The following POC5 variants were observed in gnomAD, a reference collection of about 807,000 sequenced individuals.
POC5 encodes centrosomal protein POC5.
In POC5, 48 loss-of-function variants were observed where a neutral mutation model predicts 62.9. The observed-to-expected ratio is 0.76, with a 90% confidence interval of 0.61 to 0.97. The LOEUF is 0.97. POC5 is among the 50% of genes least tolerant of loss of function. The pLI is 0.00. For synonymous variants in POC5, 236 were observed against 228.2 expected, an observed-to-expected ratio of 1.03 and a Z score of -0.31; for missense variants, 696 against 679.5, an observed-to-expected ratio of 1.02 and a Z score of -0.27.
intron 9 of POC5, among the ~76,000 whole-genome samples, chr5:75,686,084 A>AT (rs1225151641): frequency 6.6e-6 from 1 of 152,200 alleles, no homozygotes; most frequent in African/African-American, 2.4e-5. Flanking sequence ...TCATAAGAGC[A>AT]TATTTGTGCA....
intron 10 of POC5, among the ~76,000 whole-genome samples, chr5:75,683,690 C>G (rs1007831252): frequency 4.0e-5 from 6 of 149,638 alleles, no homozygotes; most frequent in African/African-American, 1.5e-4. Flanking sequence ...TGTGCTTCAT[C>G]TGAAACTCTA....
intron 10 of POC5, among the ~76,000 whole-genome samples, chr5:75,681,825 C>A (rs961222905): frequency 1.7e-4 from 26 of 152,000 alleles, no homozygotes; most frequent in African/African-American, 6.3e-4. Context: ...AGAAAGATAA[C>A]CAAGCCAGGA....
At chr5:75,692,339 G>C (rs1376163646) in intron 7 of POC5, 57 bp downstream of exon 7, 4 of 1,177,976 alleles carry the variant, frequency 3.4e-6, no homozygotes, top group African/African-American at 3.1e-5. Context: ...GTGATCCTGA[G>C]CACTTCTGAA....
intron 10 of POC5, among the ~76,000 whole-genome samples, chr5:75,678,181 T>TA (rs1775745669): frequency 6.6e-6 from 1 of 151,870 alleles, no homozygotes; most frequent in South Asian, 2.1e-4. Context: ...TTTAGAAACT[T>TA]AAAAAACCAA....
At chr5:75,700,319 TACTACAAGGCTACAGTA>T (rs1776813466) in intron 5 of POC5, among the ~76,000 whole-genome samples, 1 of 151,304 alleles carries the variant, frequency 6.6e-6, no homozygotes, top group East Asian at 1.9e-4. Flanking sequence ...CTTCAAACTA[TACTACAAGGCTACAGTA>T]ACCAAAACAG....
Position 75,677,916 on chromosome 5 carries a change from T to C in POC5, c.1442A>G (p.Lys481Arg). Residue 481 changes from lysine to arginine, a missense_variant, in exon 11 of 12, where the codon AAA (lysine) becomes AGA (arginine). Lys to Arg is a conservative substitution (Grantham distance 26, BLOSUM62 2). Coordinates refer to ENST00000428202, the MANE Select transcript of POC5 (RefSeq NM_001099271.2). ...CCGGGCTGTAATAGTTCTTCCTGCT[T>C]TCTGTTGTGCAGAGGTTACAACTCT... ...VPRVVTSAQQ[K>R]AGRTITARIT... 2 of 1,608,224 alleles carry C rather than the reference T, an allele frequency of 1.2e-6. No homozygotes were observed. The highest frequency in any genetic ancestry group is 2.2e-5 in the East Asian group (1 of 44,522).
intron 8 of POC5, chr5:75,689,463 G>A (rs1776227974): frequency 1.0e-6 from 1 of 984,308 alleles, no homozygotes; most frequent in South Asian, 4.7e-5. Context: ...ATTTTTTACT[G>A]TAAAACTTTT....
rs1003694519 is a variant in POC5, at chr5:75,677,799, A to C, written c.1559T>G (p.Val520Gly). The C allele has an allele frequency of 6.2e-7, 1 of 1,609,202 alleles. No homozygotes were observed. Among genetic ancestry groups the C allele is most frequent in the Non-Finnish European group, 8.5e-7 (1 of 1,177,962 alleles). ...GVSPPMSSVV[V>G]EKHHPVTVQT... is the part of the protein sequence containing the mutation. The stretch of plus-strand genomic sequence containing the variant: ...CACTGTGACTGGATGATGTTTTTCC[A>C]CAACAACTGAGCTCATGGGAGGAGA... The change falls in exon 11 of 12, where the codon GTG becomes GGG. Residue 520 changes from valine (V) to glycine (G), a missense_variant. Coordinates refer to ENST00000428202, the MANE Select transcript of POC5 (RefSeq NM_001099271.2).
At position 75,705,969 on chromosome 5, in the gene POC5, GACTT is replaced by G. The variant is rs371547977; in HGVS notation, c.224-186_224-183del. 2.3e-3 allele frequency among the ~76,000 whole-genome samples: 354 copies of G among 152,252 alleles called. 1 individual carries two copies. The East Asian group carries it at 0.03, about 13-fold the overall frequency. ...AGATAAAAATCTGAGACTAGAAAAA[GACTT>G]ACTATATCATTGATAAGCTCCAACT... On this transcript the variant is annotated intron_variant, in intron 3 of 11. Coordinates refer to ENST00000428202, the MANE Select transcript of POC5 (RefSeq NM_001099271.2).
rs1435334913 is a variant in POC5 at position 75,685,424 on chromosome 5, T to C, written c.1190A>G (p.His397Arg). The change falls in exon 10 of 12, where the codon CAT becomes CGT. Residue 397 changes from histidine (H) to arginine (R), a missense_variant. By Grantham distance (29) the His-to-Arg change is conservative (BLOSUM62 0). Transcript: ENST00000428202. The part of the protein sequence containing the change: ...EYGPGVQGKE[H>R]SAHLDPSAPP... ...AGCTGAAGGATCCAAATGAGCAGAATGTTCTTTTCCTTGAACACCAGGACC... is the reference window on the plus strand; with the variant it reads ...AGCTGAAGGATCCAAATGAGCAGAACGTTCTTTTCCTTGAACACCAGGACC... 1.9e-6 allele frequency: 3 copies of C among 1,613,918 alleles called. No individual in the cohort carries two copies. Among genetic ancestry groups the C allele is most frequent in the African/African-American group, 1.3e-5 (1 of 75,054 alleles).
intron 11 of POC5, 64 bp from the exon 12 acceptor site, chr5:75,674,642 CATCT>C (rs1775585353): frequency 2.0e-6 from 3 of 1,517,046 alleles, no homozygotes; most frequent in South Asian, 2.4e-5. Context: ...ATCATTTCAT[CATCT>C]ATCATCTATA....
intron 5 of POC5, among the ~76,000 whole-genome samples, chr5:75,696,941 A>G (rs1776625915): frequency 6.6e-6 from 1 of 152,086 alleles, no homozygotes; most frequent in African/African-American, 2.4e-5. Context: ...GATCAACTGG[A>G]AGAAAGGGTA....
chr5:75,687,192 G>A (rs11748378), intron 9 of POC5, among the ~76,000 whole-genome samples: 37,187 of 151,780 alleles, frequency 0.25, 4,769 homozygotes, highest in South Asian at 0.32. Context: ...CACCACGCCC[G>A]GCTAATTTTT....
chr5:75,683,274 G>C (rs563362157), intron 10 of POC5, among the ~76,000 whole-genome samples: 1 of 148,512 alleles, frequency 6.7e-6, no homozygotes, highest in Non-Finnish European at 1.5e-5. Flanking sequence ...TCGCTGTGTC[G>C]CCCAGGCTGA....
chr5:75,692,655 A>G (rs1338854803), intron 6 of POC5, among the ~76,000 whole-genome samples, 155 bp from the exon 7 acceptor site: 1 of 152,204 alleles, frequency 6.6e-6, no homozygotes, highest in Non-Finnish European at 1.5e-5. Context: ...AAAGATGGTA[A>G]AACTTTCTCA....
intron 11 of POC5, among the ~76,000 whole-genome samples, chr5:75,676,022 CAGTT>C (rs1330599192): frequency 2.0e-5 from 3 of 152,194 alleles, no homozygotes; most frequent in African/African-American, 7.2e-5. Context: ...GGTTCATACA[CAGTT>C]AGTGGGTAAG....
rs1393263094 is a variant in POC5 at position 75,685,447 on chromosome 5, A to G, written c.1167T>C (p.Gly389=). 6.2e-7 allele frequency: 1 copy of G among 1,612,876 alleles called. No homozygotes were observed. Among genetic ancestry groups the G allele is most frequent in the Non-Finnish European group, 8.5e-7 (1 of 1,179,110 alleles). ...AATGTTCTTTTCCTTGAACACCAGG[A>G]CCATACTCTTCCTTTTTATTATTTG... is the stretch of plus-strand genomic sequence containing the variant. The part of the protein sequence containing the change: ...DSTNNKKEEY[G]PGVQGKEHSA... The change falls in exon 10 of 12, where the codon GGT becomes GGC. Residue 389 remains glycine, a synonymous_variant. Coordinates refer to ENST00000428202, the MANE Select transcript of POC5 (RefSeq NM_001099271.2).
intron 5 of POC5, among the ~76,000 whole-genome samples, chr5:75,697,555 G>C (rs2112151370): frequency 6.6e-6 from 1 of 152,144 alleles, no homozygotes; most frequent in South Asian, 2.1e-4. Flanking sequence ...CCTGAAGGAA[G>C]TGCTAAACAT....
chr5:75,705,512 C>T (rs1379508639), intron 4 of POC5, 192 bp downstream of exon 4: 1 of 452,352 alleles, frequency 2.2e-6, no homozygotes, highest in Non-Finnish European at 3.9e-6. Flanking sequence ...AATGCATTGA[C>T]CTGTCTTAAT....
Sources: gnomAD v4.1 joint callset for allele counts (sites outside exome capture counted in the v4.1 genomes callset) on GRCh38, gnomAD v4.1.1 for gene constraint, MANE v1.5 for transcripts, NCBI Gene and HGNC (gene_info 2026-07-23, HGNC 2026-07-21) for gene names.